AGBL1: variants seen among roughly 807,000 people sequenced by gnomAD.
The protein encoded by AGBL1 is cytosolic carboxypeptidase 4.
AGBL1 carries 130 observed loss-of-function variants against 118.9 expected under a neutral mutation model. The observed-to-expected ratio is 1.09, with a 90% confidence interval of 0.95 to 1.26. AGBL1 has a LOEUF of 1.26. Among genes scored for constraint, AGBL1 ranks in the 50% most tolerant of loss-of-function variants. The pLI, the probability that AGBL1 is intolerant of heterozygous loss-of-function variation, is 0.00. For missense variants in AGBL1, 1,584 were observed against 1,298.1 expected, an observed-to-expected ratio of 1.22 and a Z score of -3.38; for synonymous variants, 555 against 478.9, an observed-to-expected ratio of 1.16 and a Z score of -2.08.
At chr15:86,802,898 C>T (rs554889741) in intron 22 of AGBL1, among the ~76,000 whole-genome samples, 2 of 152,224 alleles carry the variant, frequency 1.3e-5, no homozygotes, top group Middle Eastern at 3.4e-3. Flanking sequence ...TAATAAGACA[C>T]TCAGTATAGA....
intron 5 of AGBL1, among the ~76,000 whole-genome samples, chr15:86,168,003 A>G (rs571402748): frequency 6.6e-6 from 1 of 152,334 alleles, no homozygotes; most frequent in South Asian, 2.1e-4. Flanking sequence ...GGTGCATCAT[A>G]GGTATTCAAT....
intron 18 of AGBL1, among the ~76,000 whole-genome samples, chr15:86,405,576 A>G (rs2081514047): frequency 6.6e-6 from 1 of 152,162 alleles, no homozygotes; most frequent in Admixed American, 6.5e-5. Context: ...GTTAAGGGGA[A>G]AAGTGGCTCT....
At chr15:86,561,210 C>T (rs1255599276) in intron 21 of AGBL1, among the ~76,000 whole-genome samples, 1 of 152,114 alleles carries the variant, frequency 6.6e-6, no homozygotes, top group Non-Finnish European at 1.5e-5. Flanking sequence ...AAGTCCTTGC[C>T]CACGCCTATG....
rs375529675 is a variant in AGBL1 at position 86,639,486 on chromosome 15, C to T, written c.2995-34787C>T. 4.6e-5 allele frequency among the ~76,000 whole-genome samples: 7 copies of T among 152,266 alleles called. No individual in the cohort carries two copies. In the East Asian group the frequency reaches 1.4e-3, roughly 29 times the overall value. On this transcript the variant is annotated intron_variant, in intron 21 of 22. Coordinates refer to ENST00000614907, the MANE Select transcript of AGBL1 (RefSeq NM_001386094.1). ...GATTTCAGTGGACTCAAATTATTTA[C>T]TACTGTTTCTTAAAAATACTATGGG...
chr15:86,345,175 A>G lies in AGBL1; in HGVS notation c.2374+49767A>G, dbSNP rs143656391. On this transcript the variant is annotated intron_variant, in intron 17 of 22. Coordinates refer to ENST00000614907, the MANE Select transcript of AGBL1 (RefSeq NM_001386094.1). ...ATATTAACCATCTTATTTTACCTGC[A>G]GGAAACATGCGTTTAGGAGAGAGAG... Among the ~76,000 whole-genome samples the G allele has an allele frequency of 5.9e-3, 901 of 152,186 alleles. 6 individuals carry two copies. Among genetic ancestry groups the G allele is most frequent in the Non-Finnish European group, 9.6e-3 (656 of 68,014 alleles).
chr15:86,388,526 T>C (rs1302229176), intron 17 of AGBL1, among the ~76,000 whole-genome samples: 1 of 152,064 alleles, frequency 6.6e-6, no homozygotes, highest in African/African-American at 2.4e-5. Context: ...AGAGAACAGA[T>C]TTCAAAAGAT....
intron 1 of AGBL1, chr15:86,083,810 T>C (rs990674900): frequency 6.6e-4 from 100 of 152,190 alleles, no homozygotes; most frequent in African/African-American, 2.3e-3. Context: ...GTGTTTGAAA[T>C]TTTCCCTTGT....
At chr15:86,564,508 T>G (rs1455214673) in intron 21 of AGBL1, among the ~76,000 whole-genome samples, 1 of 152,236 alleles carries the variant, frequency 6.6e-6, no homozygotes, top group East Asian at 1.9e-4. Context: ...CTGCTGTTAG[T>G]CTGATGGGCT....
chr15:86,986,089 A>G (rs2081279527), intron 23 of AGBL1, among the ~76,000 whole-genome samples: 1 of 151,964 alleles, frequency 6.6e-6, no homozygotes, highest in Non-Finnish European at 1.5e-5. Flanking sequence ...ATGCCCGGCT[A>G]ATTTTTGTAT....
intron 18 of AGBL1, among the ~76,000 whole-genome samples, chr15:86,469,474 T>C (rs2082450724): frequency 6.6e-6 from 1 of 152,166 alleles, no homozygotes; most frequent in Admixed American, 6.5e-5. Context: ...TCTTTATCCA[T>C]TCATCTCTCC....
At chr15:86,476,924 A>C (rs1275014921) in intron 18 of AGBL1, among the ~76,000 whole-genome samples, 1 of 152,248 alleles carries the variant, frequency 6.6e-6, no homozygotes, top group Non-Finnish European at 1.5e-5. Flanking sequence ...AGGATTAAGA[A>C]ACTCACTCAA....
intron 17 of AGBL1, among the ~76,000 whole-genome samples, chr15:86,323,100 A>G (rs1417868839): frequency 6.6e-6 from 1 of 152,002 alleles, no homozygotes. Flanking sequence ...TTATTCCCCA[A>G]ATTTTTGGTT....
chr15:87,012,009 A>C (rs1325803568), intron 24 of AGBL1, among the ~76,000 whole-genome samples: 1 of 152,176 alleles, frequency 6.6e-6, no homozygotes, highest in South Asian at 2.1e-4. Flanking sequence ...TAGCCAATTT[A>C]ATTTTCTTCT....
intron 22 of AGBL1, among the ~76,000 whole-genome samples, chr15:86,785,323 C>G (rs1435375947): frequency 6.9e-6 from 1 of 145,296 alleles, no homozygotes; most frequent in African/African-American, 2.5e-5. Flanking sequence ...TTTTCTGATT[C>G]AAAAGGTCTG....
chr15:86,333,997 T>G (rs2080316982), intron 17 of AGBL1, among the ~76,000 whole-genome samples: 1 of 152,132 alleles, frequency 6.6e-6, no homozygotes, highest in Non-Finnish European at 1.5e-5. Context: ...ATAATGAAAC[T>G]CTAAAGAAAT....
intron 17 of AGBL1, among the ~76,000 whole-genome samples, chr15:86,318,767 G>A (rs2141838995): frequency 8.2e-6 from 1 of 121,910 alleles, no homozygotes; most frequent in Non-Finnish European, 1.6e-5. Flanking sequence ...TGCTGGAATT[G>A]TCAATGGGTT....
rs1302774476 is a variant in AGBL1, at chr15:87,001,127, G to A, written c.3323+13039G>A. 7.8e-5 allele frequency among the ~76,000 whole-genome samples: 11 copies of A among 140,864 alleles called. No individual in the cohort carries two copies. In the Admixed American group the frequency reaches 8.0e-4, roughly 10 times the overall value. 92.4% of individuals were successfully genotyped at this position (140,864 alleles called of 152,430 possible). On this transcript the variant is annotated intron_variant, in intron 24 of 24. Coordinates refer to the AGBL1 transcript ENST00000441037. Reference sequence around the variant, plus strand: ...TGCTTATCAGCTTAAGGAGATTTTGGGCTGAGACAATGGGGTTTTCTAGAT... The same window carrying A: ...TGCTTATCAGCTTAAGGAGATTTTGAGCTGAGACAATGGGGTTTTCTAGAT...
intron 24 of AGBL1, among the ~76,000 whole-genome samples, chr15:86,997,833 C>A (rs1001889056): frequency 5.3e-5 from 8 of 150,708 alleles, no homozygotes; most frequent in African/African-American, 1.9e-4. Flanking sequence ...GAGAGGAAGA[C>A]ATATTTCATA....
At chr15:86,201,199 C>T (rs556886126) in intron 5 of AGBL1, among the ~76,000 whole-genome samples, 11 of 152,128 alleles carry the variant, frequency 7.2e-5, no homozygotes, top group South Asian at 2.1e-4. Context: ...TGTTTTAAAA[C>T]GACTGTGTAC....
Sources: allele counts gnomAD v4.1 joint callset (sites outside exome capture counted in the v4.1 genomes callset), GRCh38; gene constraint gnomAD v4.1.1; transcripts MANE v1.5; gene names NCBI Gene and HGNC (gene_info 2026-07-23, HGNC 2026-07-21).